The following PGC variants were observed in gnomAD, a reference collection of about 807,000 sequenced individuals.
PGC encodes progastricsin.
PGC carries 31 observed loss-of-function variants against 45.9 expected under a neutral mutation model. The ratio of observed to expected loss-of-function variants is 0.67; its 90% CI spans 0.51 to 0.91. The LOEUF (loss-of-function observed/expected upper bound fraction) is 0.91. PGC is among the 40% of genes least tolerant of loss of function. The probability of loss-of-function intolerance (pLI) is 0.00; values close to 1 mark genes in which losing one functional copy is unlikely to be tolerated. For synonymous variants in PGC, 192 were observed against 201.8 expected, an observed-to-expected ratio of 0.95 and a Z score of 0.41; for missense variants, 477 against 493.2, an observed-to-expected ratio of 0.97 and a Z score of 0.31.
intron 4 of PGC, 31 bp from the exon 5 acceptor site, chr6:41,742,520 C>A (rs1561881769): frequency 1.9e-6 from 3 of 1,565,750 alleles, no homozygotes; most frequent in African/African-American, 1.4e-5. Context: ...GGGAGGTGAC[C>A]AGTCTGACTC....
In PGC at chr6:41,744,991, C is replaced by CTG. The variant is rs909492443; in HGVS notation, c.60-184_60-183insCA. Among the ~76,000 whole-genome samples the CTG allele has an allele frequency of 7.0e-4, 28 of 39,922 alleles. No individual in the cohort carries two copies. Among genetic ancestry groups the CTG allele is most frequent in the African/African-American group, 2.6e-3 (26 of 9,864 alleles). The allele number at this position is 39,922 out of a possible 152,430, so 26.2% of individuals were successfully genotyped here. A position where few individuals can be genotyped will look rare whatever the true frequency, so the allele number is the denominator to read the frequency against. On this transcript the variant is annotated intron_variant, in intron 1 of 8. Coordinates refer to ENST00000373025, the MANE Select transcript of PGC (RefSeq NM_002630.4). This position sits in a 1 kb window ranked among gnomAD's most constrained non-coding sequence, Gnocchi z 4.4. ...TTGCTCTCTGTCTCTGTCTGTCTGT[C>CTG]TCTCTGTGTGTGTGTGTGTGTGTGC...
In PGC at chr6:41,744,675, G is replaced by A; in HGVS notation, c.193C>T (p.Pro65Ser). Residue 65 changes from proline (P) to serine (S), a missense_variant, in exon 2 of 9, where the codon CCC (proline) becomes TCC (serine). Pro to Ser is a moderately conservative substitution (Grantham distance 74, BLOSUM62 -1). Transcript: ENST00000373025. The surrounding 1 kb of genome is among the most constrained non-coding windows in gnomAD (Gnocchi z 4.4). ...GGACTCACATCCATGTAGGCCATGG[G>A]CTCGTAGGTCACGCTGAGGTCACCA... ...RFGDLSVTYE[P>S]MAYMDAAYFG... is the part of the protein sequence containing the mutation. 1 of 1,614,136 alleles carries A rather than the reference G, an allele frequency of 6.2e-7. No homozygotes were observed. Among genetic ancestry groups the A allele is most frequent in the Non-Finnish European group, 8.5e-7 (1 of 1,180,000 alleles).
chr6:41,738,192 A>G (rs1334272509), intron 7 of PGC, among the ~76,000 whole-genome samples: 7 of 18,078 alleles, frequency 3.9e-4, no homozygotes, highest in African/African-American at 5.9e-4. Flanking sequence ...ATATATATGC[A>G]TATATATATG....
Position 41,738,178 on chromosome 6 carries a change from A to ACATATATATGCATATATATATG in PGC, c.916-351_916-350insCATATATATATGCATATATATG, listed in dbSNP as rs1561879738. Reference sequence around the variant, plus strand: ...TATACATATATATGCATATATATATACATATATATATGCATATATATATGC... The same window carrying ACATATATATGCATATATATATG: ...TATACATATATATGCATATATATATACATATATATGCATATATATATGCATATATATATGCATATATATATGC... On this transcript the variant is annotated intron_variant, in intron 7 of 8. Transcript: ENST00000373025. Among the ~76,000 whole-genome samples the ACATATATATGCATATATATATG allele has an allele frequency of 4.7e-4, 13 of 27,576 alleles. 1 individual carries two copies. Among genetic ancestry groups the ACATATATATGCATATATATATG allele is most frequent in the East Asian group, 9.9e-4 (1 of 1,014 alleles). The allele number at this position is 27,576 out of a possible 152,430, so 18.1% of individuals were successfully genotyped here. A position where few individuals can be genotyped will look rare whatever the true frequency, so the allele number is the denominator to read the frequency against.
rs140934059 is a variant in PGC, at chr6:41,741,059, G to A, written c.648-449C>T. The A allele has an allele frequency of 4.5e-4, 692 of 1,537,080 alleles. No individual in the cohort carries two copies. The African/African-American group carries it at 7.4e-3, about 16-fold the overall frequency. On this transcript the variant is annotated intron_variant, in intron 5 of 8. Coordinates refer to ENST00000373025, the MANE Select transcript of PGC (RefSeq NM_002630.4). ...CACACTCTGCTCTCCTCTCCCCTCCGCTTCCTGCCTCTGGTAGACATGTCA... is the reference window on the plus strand; with the variant it reads ...CACACTCTGCTCTCCTCTCCCCTCCACTTCCTGCCTCTGGTAGACATGTCA...
chr6:41,744,796 C>T lies in PGC; in HGVS notation c.72G>A (p.Lys24=). 6.2e-7 allele frequency: 1 copy of T among 1,614,034 alleles called. No homozygotes were observed. The highest frequency in any genetic ancestry group is 8.5e-7 in the Non-Finnish European group (1 of 1,179,952). The change falls in exon 2 of 9, where the codon AAG becomes AAA. Residue 24 remains lysine (K), a synonymous_variant. Transcript: ENST00000373025. This position sits in a 1 kb window ranked among gnomAD's most constrained non-coding sequence, Gnocchi z 4.4. ...LEAAVVKVPL[K]KFKSIRETMK... ...TGGTCTCACGGATAGACTTAAATTT[C>T]TTCAGGGGCACTCTACAGAAAGGTT...
intron 4 of PGC, 55 bp downstream of exon 4, chr6:41,743,216 G>T: frequency 1.9e-6 from 2 of 1,045,702 alleles, no homozygotes; most frequent in Non-Finnish European, 3.0e-6. Flanking sequence ...CCATCTAACT[G>T]TCCCCTCCAG....
Position 41,742,334 on chromosome 6 carries a change from C to G in PGC, c.603G>C (p.Gln201His). ...EATTAMQGMV[Q>H]EGALTSPVFS... ...AGACGGGGCTGGTGAGGGCGCCCTC[C>G]TGCACCATGCCCTGCATAGCTGTGG... is the stretch of plus-strand genomic sequence containing the variant. The change falls in exon 5 of 9, where the codon CAG (glutamine) becomes CAC (histidine). Residue 201 changes from glutamine (Q) to histidine (H), a missense_variant. By Grantham distance (24) the Gln-to-His change is conservative (BLOSUM62 0). Transcript: ENST00000373025. 2 of 1,614,178 alleles carry G rather than the reference C, an allele frequency of 1.2e-6. No homozygotes were observed. The highest frequency in any genetic ancestry group is 1.7e-6 in the Non-Finnish European group (2 of 1,180,022).
In PGC at chr6:41,744,941, G is replaced by A; in HGVS notation, c.60-133C>T. ...TCTGTTTGTTCCCCCTTGTCTGTGT[G>A]TGTCTTTTTCTCTCTCTCAGCCTTT... On this transcript the variant is annotated intron_variant, in intron 1 of 8. Transcript: ENST00000373025. This position sits in a 1 kb window ranked among gnomAD's most constrained non-coding sequence, Gnocchi z 4.4. 1 of 784,668 alleles carries A rather than the reference G, an allele frequency of 1.3e-6. No homozygotes were observed. The highest frequency in any genetic ancestry group is 1.8e-5 in the South Asian group (1 of 56,768). 48.6% of individuals were successfully genotyped at this position (784,668 alleles called of 1,614,324 possible).
rs1233254695 is a variant in PGC, at chr6:41,741,960, G to T, written c.647+330C>A. The T allele has an allele frequency of 8.7e-6, 7 of 805,262 alleles. No individual in the cohort carries two copies. The East Asian group carries it at 1.9e-4, about 21-fold the overall frequency. 49.9% of individuals were successfully genotyped at this position (805,262 alleles called of 1,614,324 possible). On this transcript the variant is annotated intron_variant, in intron 5 of 8. Transcript: ENST00000373025. ...AACTGCCCCACCCGCTTCTCCACCA[G>T]GAAGCCTGTCCAAGGGGTGCTGAGA...
intron 7 of PGC, among the ~76,000 whole-genome samples, chr6:41,738,217 T>TATATATGC (rs1771746976): frequency 3.0e-5 from 1 of 33,624 alleles, no homozygotes; most frequent in African/African-American, 8.8e-5. Context: ...TATATATGCA[T>TATATATGC]ATATATATGC....
At position 41,743,298 on chromosome 6, in the gene PGC, G is replaced by A. The variant is rs200338322; in HGVS notation, c.420C>T (p.Thr140=). The A allele has an allele frequency of 5.0e-5, 81 of 1,612,772 alleles. No individual in the cohort carries two copies. The highest frequency in any genetic ancestry group is 6.2e-5 in the Non-Finnish European group (73 of 1,178,776). The stretch of plus-strand genomic sequence containing the variant: ...TCAGGGTGTCATAGCCAAAGAAGCC[G>A]GTGAGGCTGCCACTGCCATACTGCA... ...FSLQYGSGSL[T]GFFGYDTLTV... The change falls in exon 4 of 9, where the codon ACC becomes ACT. Residue 140 remains threonine (T), a synonymous_variant. Coordinates refer to ENST00000373025, the MANE Select transcript of PGC (RefSeq NM_002630.4).
In PGC at chr6:41,740,503, A is replaced by G. The variant is rs1771802017; in HGVS notation, c.755T>C (p.Ile252Thr). 2 of 1,609,644 alleles carry G rather than the reference A, an allele frequency of 1.2e-6. No homozygotes were observed. The highest frequency in any genetic ancestry group is 1.1e-5 in the South Asian group (1 of 90,470). Residue 252 changes from isoleucine to threonine, a missense_variant, in exon 6 of 9, where the codon ATT becomes ACT. Physicochemically the swap from Ile to Thr is moderately conservative, Grantham distance 89. Coordinates refer to ENST00000373025, the MANE Select transcript of PGC (RefSeq NM_002630.4). ...ACCGCAGACTCACTCTTCAATGCCA[A>G]TCTGCCAGTAGAGTTCCTGGGTGAC... The part of the protein sequence containing the change: ...APVTQELYWQ[I>T]GIEEFLIGGQ...
rs1171944287 is a variant in PGC, at chr6:41,738,238, GTA to G, written c.916-412_916-411del. Among the ~76,000 whole-genome samples the G allele has an allele frequency of 1.8e-3, 24 of 13,622 alleles. 3 individuals carry two copies. The highest frequency in any genetic ancestry group is 7.7e-3 in the East Asian group (2 of 260). 8.9% of individuals were successfully genotyped at this position (13,622 alleles called of 152,430 possible). On this transcript the variant is annotated intron_variant, in intron 7 of 8. Coordinates refer to ENST00000373025, the MANE Select transcript of PGC (RefSeq NM_002630.4). ...TGCATATATATATGCATATATATAT[GTA>G]TATATATATGCATATATATATATGC...
At position 41,744,307 on chromosome 6, in the gene PGC, C is replaced by T; in HGVS notation, c.328+90G>A. 1 of 872,518 alleles carries T rather than the reference C, an allele frequency of 1.1e-6. No individual in the cohort carries two copies. The highest frequency in any genetic ancestry group is 2.4e-5 in the East Asian group (1 of 41,040). 54.0% of individuals were successfully genotyped at this position (872,518 alleles called of 1,614,324 possible). On this transcript the variant is annotated intron_variant, in intron 3 of 8. Transcript: ENST00000373025. This position sits in a 1 kb window ranked among gnomAD's most constrained non-coding sequence, Gnocchi z 4.4. Reference sequence around the variant, plus strand: ...TCCCCAGGACTGAGCTCCCCTCAGTCCTGAGCTCCCTCTGGAAGTTTGGCC... The same window carrying T: ...TCCCCAGGACTGAGCTCCCCTCAGTTCTGAGCTCCCTCTGGAAGTTTGGCC...
chr6:41,737,054 G>C, intron 8 of PGC, 50 bp from the exon 9 acceptor site: 2 of 1,560,582 alleles, frequency 1.3e-6, no homozygotes, highest in Non-Finnish European at 1.7e-6. Flanking sequence ...CACATGAGCT[G>C]GGCCCTGCTC....
Position 41,744,651 on chromosome 6 carries a change from G to A in PGC, c.210+7C>T, listed in dbSNP as rs759581680. ...GAAGGCTACCGCCAGAAAGGGTCAG[G>A]ACTCACATCCATGTAGGCCATGGGC... On this transcript the variant is annotated splice_region_variant and intron_variant, in intron 2 of 8. Coordinates refer to ENST00000373025, the MANE Select transcript of PGC (RefSeq NM_002630.4). This position sits in a 1 kb window ranked among gnomAD's most constrained non-coding sequence, Gnocchi z 4.4. 7 of 1,613,924 alleles carry A rather than the reference G, an allele frequency of 4.3e-6. No individual in the cohort carries two copies. The South Asian group carries it at 7.7e-5, about 18-fold the overall frequency.
At chr6:41,746,297 C>T (rs1397227323) in intron 1 of PGC, among the ~76,000 whole-genome samples, 3 of 152,240 alleles carry the variant, frequency 2.0e-5, no homozygotes, top group Non-Finnish European at 4.4e-5. Context: ...AGCTGGGACT[C>T]AGGACACAGA....
chr6:41,743,489 C>T (rs573865960), intron 3 of PGC, 100 bp from the exon 4 acceptor site: 160 of 775,970 alleles, frequency 2.1e-4, no homozygotes, highest in Admixed American at 1.1e-3. Flanking sequence ...GCTCAGGCTG[C>T]GCTCACATCC....
Sources: gnomAD v4.1 joint callset for allele counts (sites outside exome capture counted in the v4.1 genomes callset) on GRCh38, gnomAD v4.1.1 for gene constraint, Gnocchi (gnomAD v3.1) non-coding constraint, MANE v1.5 for transcripts, NCBI Gene and HGNC (gene_info 2026-07-23, HGNC 2026-07-21) for gene names.